Variants in MON2 observed in about 807,000 individuals in gnomAD.
MON2 encodes the protein protein MON2 homolog.
In MON2, 84 loss-of-function variants were observed where a neutral mutation model predicts 208.6. The ratio of observed to expected loss-of-function variants is 0.40; its 90% CI spans 0.34 to 0.48. MON2 has a LOEUF of 0.48. Ranked by LOEUF, MON2 falls within the 20% of genes least tolerant of loss-of-function variation. The pLI is 0.59. For missense variants in MON2, 1,611 were observed against 2,015.4 expected (o/e 0.80, Z 3.84); for synonymous variants, 660 against 694.0 (o/e 0.95, Z 0.77).
At chr12:62,565,432 A>T in intron 27 of MON2, 52 bp downstream of exon 27, 1 of 1,460,928 alleles carries the variant, frequency 6.8e-7, no homozygotes, top group Non-Finnish European at 9.4e-7. Context: ...GCTTATAAAT[A>T]CAGATAGTTC....
intron 25 of MON2, chr12:62,560,205 C>T (rs1034601792): frequency 8.0e-6 from 2 of 251,260 alleles, no homozygotes; most frequent in Non-Finnish European, 1.5e-5. Context: ...TTAGTGCACT[C>T]GTCACCTACC....
chr12:62,487,456 C>T (rs1374936390), intron 2 of MON2, among the ~76,000 whole-genome samples: 1 of 151,936 alleles, frequency 6.6e-6, no homozygotes, highest in Non-Finnish European at 1.5e-5. Flanking sequence ...GTTACATCTA[C>T]CTGTGGCTGC....
chr12:62,483,435 C>G (rs963834976), intron 1 of MON2, among the ~76,000 whole-genome samples: 2 of 152,002 alleles, frequency 1.3e-5, no homozygotes, highest in Admixed American at 1.3e-4. Flanking sequence ...GCACGGTGGC[C>G]CATGCCTGTA....
chr12:62,474,817 C>G (rs1262764490), intron 1 of MON2, among the ~76,000 whole-genome samples: 1 of 152,152 alleles, frequency 6.6e-6, no homozygotes, highest in African/African-American at 2.4e-5. Flanking sequence ...AGCACTGTTG[C>G]CTACTTTAGT....
At chr12:62,532,079 T>C (rs1173965253) in intron 11 of MON2, among the ~76,000 whole-genome samples, 2 of 152,346 alleles carry the variant, frequency 1.3e-5, no homozygotes, top group East Asian at 3.9e-4. Context: ...AATGGCATCT[T>C]ATTTTTAAGG....
In MON2 at chr12:62,590,979, T is replaced by C. The variant is rs550649892; in HGVS notation, c.4991-1607T>C. Among the ~76,000 whole-genome samples the C allele has an allele frequency of 3.3e-5, 5 of 152,352 alleles. No individual in the cohort carries two copies. The East Asian group carries it at 9.6e-4, about 29-fold the overall frequency. ...TAAAACATATTTTAATTTAAGAAATTTGAGTTGCTTCCTTTGAGTTTAAGA... is the reference window on the plus strand; with the variant it reads ...TAAAACATATTTTAATTTAAGAAATCTGAGTTGCTTCCTTTGAGTTTAAGA... On this transcript the variant is annotated intron_variant, in intron 34 of 34. Coordinates refer to ENST00000393630, the MANE Select transcript of MON2 (RefSeq NM_015026.3).
At chr12:62,483,316 T>A (rs2069558104) in intron 1 of MON2, among the ~76,000 whole-genome samples, 1 of 152,202 alleles carries the variant, frequency 6.6e-6, no homozygotes, top group South Asian at 2.1e-4. Flanking sequence ...TAAAATACTA[T>A]GTGACTTGCC....
rs1426636922 is a variant in MON2, at chr12:62,598,650, A to T, written c.*5901A>T. On this transcript the variant is annotated 3_prime_UTR_variant, in exon 35 of 35. Transcript: ENST00000393630. The stretch of plus-strand genomic sequence containing the variant: ...TATATTTATCTAATTTTGTGAAATT[A>T]TTTTTTAGTTCCCAACACAATTCTT... 6.6e-6 allele frequency: 1 copy of T among 152,114 alleles called. No homozygotes were observed. Among genetic ancestry groups the T allele is most frequent in the Non-Finnish European group, 1.5e-5 (1 of 67,996 alleles). The allele number at this position is 152,114 out of a possible 1,614,324, so 9.4% of individuals were successfully genotyped here.
chr12:62,504,436 A>G (rs1334989495), intron 7 of MON2, among the ~76,000 whole-genome samples: 2 of 151,494 alleles, frequency 1.3e-5, no homozygotes, highest in Non-Finnish European at 2.9e-5. Context: ...TTTAGTAGAG[A>G]TGGGGTTTCA....
intron 1 of MON2, among the ~76,000 whole-genome samples, chr12:62,469,923 T>TTTATTTATTTATTTATTTATTTA (rs766894539): frequency 1.6e-3 from 78 of 48,822 alleles, no homozygotes; most frequent in Admixed American, 6.0e-3. Flanking sequence ...TATTTATTTA[T>TTTATTTATTTATTTATTTATTTA]TTGAGACAGG....
chr12:62,556,170 A>G lies in MON2; in HGVS notation c.3387A>G (p.Arg1129=). The G allele has an allele frequency of 1.9e-6, 3 of 1,613,920 alleles. No homozygotes were observed. The highest frequency in any genetic ancestry group is 2.5e-6 in the Non-Finnish European group (3 of 1,179,952). Residue 1129 remains arginine, a synonymous_variant, in exon 25 of 35, where the codon AGA becomes AGG. Coordinates refer to ENST00000393630, the MANE Select transcript of MON2 (RefSeq NM_015026.3). ...GAGTAGCAAGGATCTTCAACACTAG[A>G]AGATATTTGCTGCAGCCTTTAGGTA... ...LAGVARIFNT[R]RYLLQPLGDF...
chr12:62,483,667 G>C (rs554017158), intron 1 of MON2, among the ~76,000 whole-genome samples: 3 of 152,320 alleles, frequency 2.0e-5, no homozygotes, highest in African/African-American at 7.2e-5. Flanking sequence ...AGTGAGCCAA[G>C]ATCGTGCCAT....
At chr12:62,467,412 T>C (rs1592780418) in intron 1 of MON2, 94 bp downstream of exon 1, 1 of 1,005,684 alleles carries the variant, frequency 9.9e-7, no homozygotes, top group Non-Finnish European at 1.5e-6. Flanking sequence ...CTAATTTTCA[T>C]TCAGGCCTCA....
chr12:62,542,442 A>C (rs974696420), intron 19 of MON2, among the ~76,000 whole-genome samples: 1 of 152,176 alleles, frequency 6.6e-6, no homozygotes, highest in Non-Finnish European at 1.5e-5. Context: ...GGCTTTCATC[A>C]GCTGAATTTG....
chr12:62,520,433 C>CGTTG (rs1555166642), intron 8 of MON2, among the ~76,000 whole-genome samples: 1 of 151,530 alleles, frequency 6.6e-6, no homozygotes. Flanking sequence ...GACAGGCGTA[C>CGTTG]TTTATTTTTG....
At chr12:62,590,909 C>T (rs2075378583) in intron 34 of MON2, among the ~76,000 whole-genome samples, 1 of 152,212 alleles carries the variant, frequency 6.6e-6, no homozygotes, top group Non-Finnish European at 1.5e-5. Context: ...CCCGCCTTGG[C>T]CTCCCAAAGT....
chr12:62,539,988 T>C (rs2073160861), intron 19 of MON2, among the ~76,000 whole-genome samples: 1 of 152,092 alleles, frequency 6.6e-6, no homozygotes, highest in Non-Finnish European at 1.5e-5. Context: ...AGAAAATATA[T>C]ATTATAGTTT....
intron 22 of MON2, among the ~76,000 whole-genome samples, chr12:62,548,725 CAGTT>C (rs1368945045): frequency 7.2e-5 from 11 of 152,198 alleles, no homozygotes; most frequent in Admixed American, 2.6e-4. Context: ...GGGTGTAAAA[CAGTT>C]AGAAAGTATG....
chr12:62,500,956 C>G, intron 6 of MON2, 76 bp downstream of exon 6: 2 of 845,174 alleles, frequency 2.4e-6, no homozygotes, highest in Non-Finnish European at 3.6e-6. Flanking sequence ...GATTTTATGT[C>G]TAATTTTTTT....
Sources: allele counts gnomAD v4.1 joint callset (sites outside exome capture counted in the v4.1 genomes callset), GRCh38; gene constraint gnomAD v4.1.1; transcripts MANE v1.5; gene names NCBI Gene and HGNC (gene_info 2026-07-23, HGNC 2026-07-21).